Variants in FNTB observed in about 807,000 individuals in gnomAD.
FNTB encodes the protein farnesyltransferase, CAAX box, subunit beta, also known as protein farnesyltransferase subunit beta.
FNTB carries 27 observed loss-of-function variants against 59.4 expected under a neutral mutation model. That is an observed-to-expected ratio of 0.45 (90% CI 0.34 to 0.63). FNTB has a LOEUF of 0.63. FNTB is among the 20% of genes least tolerant of loss of function. The probability of loss-of-function intolerance (pLI) is 0.02; values close to 1 mark genes in which losing one functional copy is unlikely to be tolerated. For synonymous variants in FNTB, 230 were observed against 220.7 expected (o/e 1.04, Z -0.37); for missense variants, 449 against 559.6 (o/e 0.80, Z 1.99).
At position 65,027,510 on chromosome 14, in the gene FNTB, CG is replaced by C; in HGVS notation, c.434del (p.Gly145ValfsTer40). ...SPEGGFGGGP[G>X]QYPHLAPTYA... Reference sequence around the variant, plus strand: ...CAGAAGGTGGCTTTGGAGGAGGACCCGGTCAGTATCCACACCTTGCACCCAC... The same window carrying C: ...CAGAAGGTGGCTTTGGAGGAGGACCCGTCAGTATCCACACCTTGCACCCAC... On this transcript the variant is annotated frameshift_variant, in exon 5 of 12. Coordinates refer to ENST00000246166, the MANE Select transcript of FNTB (RefSeq NM_002028.4). LOFTEE classifies it high-confidence loss of function. The surrounding 1 kb of genome is among the most constrained non-coding windows in gnomAD (Gnocchi z 5.7). The C allele has an allele frequency of 1.9e-6, 3 of 1,614,142 alleles. No homozygotes were observed. The highest frequency in any genetic ancestry group is 2.5e-6 in the Non-Finnish European group (3 of 1,180,032).
At chr14:65,035,598 C>T (rs1280283942) in intron 7 of FNTB, among the ~76,000 whole-genome samples, 1 of 152,062 alleles carries the variant, frequency 6.6e-6, no homozygotes, top group East Asian at 1.9e-4. Flanking sequence ...GGTGTGATCA[C>T]AGCTCGCTGC....
intron 1 of FNTB, among the ~76,000 whole-genome samples, chr14:64,992,398 T>C (rs966764446): frequency 6.6e-6 from 1 of 152,208 alleles, no homozygotes; most frequent in Admixed American, 6.5e-5. Context: ...AATTTAGAAA[T>C]GCTGGTTTTC....
chr14:65,037,250 C>A (rs1412010289), intron 7 of FNTB, among the ~76,000 whole-genome samples: 1 of 150,408 alleles, frequency 6.6e-6, no homozygotes, highest in African/African-American at 2.4e-5. Flanking sequence ...ACTACAGAAG[C>A]CCACGACCAC....
In FNTB at chr14:65,009,595, C is replaced by T. The variant is rs185699526; in HGVS notation, c.210-2722C>T. ...CCTTATTCCAGGCTCACCTCTCCTA[C>T]TATACCCTCATCCCAGCCCTCCTCC... On this transcript the variant is annotated intron_variant, in intron 2 of 11. Coordinates refer to ENST00000246166, the MANE Select transcript of FNTB (RefSeq NM_002028.4). The surrounding 1 kb of genome is among the most constrained non-coding windows in gnomAD (Gnocchi z 4.2). Among the ~76,000 whole-genome samples the T allele has an allele frequency of 6.6e-6, 1 of 152,296 alleles. No homozygotes were observed. Among genetic ancestry groups the T allele is most frequent in the East Asian group, 1.9e-4 (1 of 5,182 alleles).
chr14:65,054,569 T>C lies in FNTB; in HGVS notation c.1068-6T>C. 1 of 1,611,846 alleles carries C rather than the reference T, an allele frequency of 6.2e-7. No homozygotes were observed. The highest frequency in any genetic ancestry group is 8.5e-7 in the Non-Finnish European group (1 of 1,179,076). Reference sequence around the variant, plus strand: ...AGCGCCTGCTCAGAGCTGCCTGTCCTTACAGGTCGCGTGATTTCTACCACA... The same window carrying C: ...AGCGCCTGCTCAGAGCTGCCTGTCCCTACAGGTCGCGTGATTTCTACCACA... On this transcript the variant is annotated splice_polypyrimidine_tract_variant and splice_region_variant and intron_variant, in intron 10 of 11. Transcript: ENST00000246166. The surrounding 1 kb of genome is among the most constrained non-coding windows in gnomAD (Gnocchi z 4.4).
At chr14:65,021,235 C>T (rs574535403) in intron 4 of FNTB, among the ~76,000 whole-genome samples, 6 of 152,300 alleles carry the variant, frequency 3.9e-5, no homozygotes, top group South Asian at 4.2e-4. Context: ...GGGAGACCAT[C>T]GCACTGTTAA....
intron 11 of FNTB, among the ~76,000 whole-genome samples, chr14:65,056,931 G>A (rs2062749513): frequency 6.6e-6 from 1 of 152,172 alleles, no homozygotes; most frequent in Non-Finnish European, 1.5e-5. Flanking sequence ...GGGTTGTGCT[G>A]CATTATAACA....
At chr14:65,037,599 A>G (rs1010509072) in intron 7 of FNTB, among the ~76,000 whole-genome samples, 6 of 147,450 alleles carry the variant, frequency 4.1e-5, no homozygotes, top group Admixed American at 1.4e-4. Context: ...TAATTTTTTA[A>G]ATTTTTGTAG....
chr14:65,056,653 G>A (rs2139685213), intron 11 of FNTB, among the ~76,000 whole-genome samples: 1 of 152,258 alleles, frequency 6.6e-6, no homozygotes, highest in East Asian at 1.9e-4. Context: ...TTCATATTCT[G>A]TGCTCATTTT....
chr14:65,042,165 T>C (rs944082461), intron 8 of FNTB, among the ~76,000 whole-genome samples: 8 of 152,100 alleles, frequency 5.3e-5, no homozygotes, highest in African/African-American at 1.9e-4. Context: ...TTGTGGGAGA[T>C]AATTTTTCCG....
rs1445976217 is a variant in FNTB, at chr14:64,997,713, G to A, written c.145-6536G>A. Reference sequence around the variant, plus strand: ...GAGGCCCGGAATGGGGAGGTGACCGGGAAAAGCACAGTAAACAAGGATAAG... The same window carrying A: ...GAGGCCCGGAATGGGGAGGTGACCGAGAAAAGCACAGTAAACAAGGATAAG... On this transcript the variant is annotated intron_variant, in intron 1 of 11. Transcript: ENST00000246166. The surrounding 1 kb of genome is among the most constrained non-coding windows in gnomAD (Gnocchi z 4.5). Among the ~76,000 whole-genome samples, 1 of 152,186 alleles carries A rather than the reference G, an allele frequency of 6.6e-6. No homozygotes were observed. Among genetic ancestry groups the A allele is most frequent in the Non-Finnish European group, 1.5e-5 (1 of 68,030 alleles).
At chr14:65,060,418 GTC>G (rs780002639) in intron 11 of FNTB, among the ~76,000 whole-genome samples, 61 of 146,802 alleles carry the variant, frequency 4.2e-4, no homozygotes, top group Admixed American at 7.3e-4. Flanking sequence ...GTGAAACCCT[GTC>G]TCTACTAAAA....
In FNTB at chr14:65,053,300, C is replaced by G; in HGVS notation, c.1018C>G (p.Leu340Val). Residue 340 changes from leucine to valine, a missense_variant, in exon 10 of 12, where the codon CTG becomes GTG. Around this residue, in one of 2 missense-constraint regions of FNTB, gnomAD observed 337 missense variants for 479.1 expected, o/e 0.70. Transcript: ENST00000246166. ...TCAGCAGGCCCTGCAGGAGTACATC[C>G]TGATGTGCTGCCAGTGCCCTGCGGG... ...FHQQALQEYILMCCQCPAGGL... is the reference protein window; with the variant it reads ...FHQQALQEYIVMCCQCPAGGL... The G allele has an allele frequency of 1.4e-6, 2 of 1,463,270 alleles. No individual in the cohort carries two copies. The highest frequency in any genetic ancestry group is 1.8e-6 in the Non-Finnish European group (2 of 1,100,078). The allele number at this position is 1,463,270 out of a possible 1,614,324, so 90.6% of individuals were successfully genotyped here. A position where few individuals can be genotyped will look rare whatever the true frequency, so the allele number is the denominator to read the frequency against.
intron 11 of FNTB, among the ~76,000 whole-genome samples, chr14:65,058,567 T>C (rs1164380349): frequency 6.6e-6 from 1 of 152,230 alleles, no homozygotes; most frequent in Non-Finnish European, 1.5e-5. Flanking sequence ...TATAACCTGA[T>C]CATTAAGCAT....
In FNTB at chr14:65,027,901, G is replaced by A; in HGVS notation, c.605+120G>A. The A allele has an allele frequency of 7.8e-7, 1 of 1,289,380 alleles. No individual in the cohort carries two copies. The highest frequency in any genetic ancestry group is 1.1e-6 in the Non-Finnish European group (1 of 918,438). The allele number at this position is 1,289,380 out of a possible 1,614,324, so 79.9% of individuals were successfully genotyped here. ...GCTGCTTTGTCCCAGAATGACACAT[G>A]GGATGACATGTCAGTGACACGTCAG... On this transcript the variant is annotated intron_variant, in intron 6 of 11. Coordinates refer to ENST00000246166, the MANE Select transcript of FNTB (RefSeq NM_002028.4). This position sits in a 1 kb window ranked among gnomAD's most constrained non-coding sequence, Gnocchi z 5.7.
At position 65,012,278 on chromosome 14, in the gene FNTB, A is replaced by G. The variant is rs2061695707; in HGVS notation, c.210-39A>G. 2 of 1,613,246 alleles carry G rather than the reference A, an allele frequency of 1.2e-6. No individual in the cohort carries two copies. Among genetic ancestry groups the G allele is most frequent in the Non-Finnish European group, 1.7e-6 (2 of 1,179,356 alleles). Reference sequence around the variant, plus strand: ...CATACGTGTGTATGGTGGAAGCATAAGCTATTAGAATGGGCTTATAAACTG... The same window carrying G: ...CATACGTGTGTATGGTGGAAGCATAGGCTATTAGAATGGGCTTATAAACTG... On this transcript the variant is annotated intron_variant, in intron 2 of 11. Transcript: ENST00000246166. The surrounding 1 kb of genome is among the most constrained non-coding windows in gnomAD (Gnocchi z 5.0).
intron 7 of FNTB, among the ~76,000 whole-genome samples, chr14:65,039,789 T>C (rs912335487): frequency 6.6e-6 from 1 of 152,238 alleles, no homozygotes; most frequent in Non-Finnish European, 1.5e-5. Flanking sequence ...AATTATAATT[T>C]TTAAAAATAA....
intron 11 of FNTB, among the ~76,000 whole-genome samples, chr14:65,058,575 CATG>C (rs2062794159): frequency 6.6e-6 from 1 of 152,182 alleles, no homozygotes; most frequent in African/African-American, 2.4e-5. Context: ...GATCATTAAG[CATG>C]ATGTTTACTG....
Position 65,015,607 on chromosome 14 carries a change from CT to C in FNTB, c.283-17del. On this transcript the variant is annotated splice_polypyrimidine_tract_variant and intron_variant, in intron 3 of 11. Transcript: ENST00000246166. Reference sequence around the variant, plus strand: ...TGATTGTGAATAAGGGATGTTTTCTCTCCTGTCTCTCTCCCAGTGTCTGGAT... The same window carrying C: ...TGATTGTGAATAAGGGATGTTTTCTCCCTGTCTCTCTCCCAGTGTCTGGAT... 7 of 1,613,630 alleles carry C rather than the reference CT, an allele frequency of 4.3e-6. No individual in the cohort carries two copies. Among genetic ancestry groups the C allele is most frequent in the Non-Finnish European group, 5.9e-6 (7 of 1,179,674 alleles).
Sources: allele counts gnomAD v4.1 joint callset (sites outside exome capture counted in the v4.1 genomes callset), GRCh38; gene constraint gnomAD v4.1.1; regional missense constraint gnomAD v4.1.1; non-coding constraint Gnocchi (gnomAD v3.1); transcripts MANE v1.5; gene names NCBI Gene and HGNC (gene_info 2026-07-23, HGNC 2026-07-21).